SPOCK3: variants seen among roughly 807,000 people sequenced by gnomAD.
SPOCK3 encodes SPARC (osteonectin), cwcv and kazal like domains proteoglycan 3.
SPOCK3 carries 30 observed loss-of-function variants against 56.6 expected under a neutral mutation model. The observed-to-expected ratio is 0.53, with a 90% CI of 0.40 to 0.72. SPOCK3 has a LOEUF of 0.72. Among genes scored for constraint, SPOCK3 ranks in the 30% least tolerant of loss-of-function variants. SPOCK3 has a pLI of 0.00. For synonymous variants in SPOCK3, 196 were observed against 183.3 expected (o/e 1.07, Z -0.56); for missense variants, 527 against 530.0 (o/e 0.99, Z 0.06).
chr4:167,101,818 G>C (rs987434535), intron 2 of SPOCK3, among the ~76,000 whole-genome samples: 3 of 150,000 alleles, frequency 2.0e-5, no homozygotes, highest in Non-Finnish European at 4.4e-5. Context: ...CACCTCCCAG[G>C]TTCAAGCAAT....
Position 166,733,557 on chromosome 4 carries a change from C to T in SPOCK3, c.*1364G>A, listed in dbSNP as rs996168309. On this transcript the variant is annotated 3_prime_UTR_variant, in exon 11 of 11. Transcript: ENST00000357545. ...AATTGTATACTGGGAAACCAGTTTA[C>T]CCACTGTTGAAATTAAAGATACCAA... The T allele has an allele frequency of 2.6e-5, 4 of 151,770 alleles. No homozygotes were observed. The highest frequency in any genetic ancestry group is 7.2e-5 in the African/African-American group (3 of 41,384). The allele number at this position is 151,770 out of a possible 1,614,324, so 9.4% of individuals were successfully genotyped here.
chr4:167,158,662 C>T (rs1765021909), intron 2 of SPOCK3, among the ~76,000 whole-genome samples: 1 of 151,964 alleles, frequency 6.6e-6, no homozygotes. Context: ...AAGATTATTA[C>T]AGTTTTCACA....
chr4:166,873,408 T>C (rs1732707190), intron 6 of SPOCK3, among the ~76,000 whole-genome samples: 1 of 152,116 alleles, frequency 6.6e-6, no homozygotes, highest in Non-Finnish European at 1.5e-5. Context: ...CTTTGGGTGA[T>C]AATGATATAT....
intron 8 of SPOCK3, among the ~76,000 whole-genome samples, chr4:166,749,151 G>C (rs1189611793): frequency 7.3e-6 from 1 of 136,944 alleles, no homozygotes; most frequent in East Asian, 2.0e-4. Flanking sequence ...ATACCCAAAG[G>C]ATTATAAATC....
At chr4:166,827,356 C>A (rs1278966200) in intron 6 of SPOCK3, among the ~76,000 whole-genome samples, 4 of 152,030 alleles carry the variant, frequency 2.6e-5, no homozygotes, top group Non-Finnish European at 5.9e-5. Context: ...TTGCTGTTTA[C>A]CTGAGATATG....
chr4:167,108,315 A>G (rs1371498881), intron 2 of SPOCK3, among the ~76,000 whole-genome samples: 2 of 151,992 alleles, frequency 1.3e-5, no homozygotes, highest in Non-Finnish European at 2.9e-5. Flanking sequence ...TACATACCCA[A>G]AAGAAAGGAA....
At chr4:166,765,753 A>G (rs1737937638) in intron 7 of SPOCK3, among the ~76,000 whole-genome samples, 1 of 152,210 alleles carries the variant, frequency 6.6e-6, no homozygotes, top group Admixed American at 6.5e-5. Context: ...TGGGGATGGT[A>G]TTGAATCTAT....
intron 7 of SPOCK3, among the ~76,000 whole-genome samples, chr4:166,790,389 A>T (rs1741213027): frequency 6.6e-6 from 1 of 152,154 alleles, no homozygotes; most frequent in Admixed American, 6.5e-5. Context: ...GGGTGCACAG[A>T]TCTGAGGAGC....
chr4:167,025,610 C>T (rs1751626484), intron 3 of SPOCK3, among the ~76,000 whole-genome samples: 1 of 151,996 alleles, frequency 6.6e-6, no homozygotes, highest in African/African-American at 2.4e-5. Context: ...ACAGCTTTAG[C>T]AACTGTCATT....
At chr4:167,066,258 A>C (rs1338169802) in intron 2 of SPOCK3, among the ~76,000 whole-genome samples, 2 of 151,826 alleles carry the variant, frequency 1.3e-5, no homozygotes, top group African/African-American at 4.8e-5. Context: ...TTTGAGCCAG[A>C]TAATTCTTCG....
At chr4:166,769,171 C>A (rs1256319340) in intron 7 of SPOCK3, among the ~76,000 whole-genome samples, 1 of 152,090 alleles carries the variant, frequency 6.6e-6, no homozygotes, top group Non-Finnish European at 1.5e-5. Flanking sequence ...GTGTCTGAAG[C>A]CTTCTTCTCT....
chr4:166,983,746 TG>T (rs1038561673), intron 4 of SPOCK3, among the ~76,000 whole-genome samples: 1 of 152,064 alleles, frequency 6.6e-6, no homozygotes, highest in Non-Finnish European at 1.5e-5. Context: ...ATAGAGCCCC[TG>T]AAAAATGTAT....
At chr4:167,087,310 G>A (rs1758286514) in intron 2 of SPOCK3, among the ~76,000 whole-genome samples, 2 of 152,054 alleles carry the variant, frequency 1.3e-5, no homozygotes, top group African/African-American at 4.8e-5. Flanking sequence ...TTGAAACTAG[G>A]CAGAGAATCC....
rs200143612 is a variant in SPOCK3 at position 167,062,463 on chromosome 4, T to C, written c.235+29A>G. 5.5e-5 allele frequency: 85 copies of C among 1,537,506 alleles called. No individual in the cohort carries two copies. The African/African-American group carries it at 1.1e-3, about 21-fold the overall frequency. On this transcript the variant is annotated intron_variant, in intron 3 of 10. Coordinates refer to ENST00000357545, the MANE Select transcript of SPOCK3 (RefSeq NM_001040159.2). ...TACAATGATTATGAACATGTAAAGG[T>C]TTTTATTTTAAAATAGTTAGATTCT...
intron 2 of SPOCK3, among the ~76,000 whole-genome samples, chr4:167,109,332 T>TAG (rs1760615868): frequency 1.1e-5 from 1 of 88,248 alleles, no homozygotes. Context: ...TTAATATATA[T>TAG]TAATATTATA....
intron 4 of SPOCK3, among the ~76,000 whole-genome samples, chr4:166,998,703 T>G (rs1026640402): frequency 3.9e-5 from 6 of 152,100 alleles, no homozygotes; most frequent in Admixed American, 2.0e-4. Flanking sequence ...CAGGTGAATC[T>G]TTTCAAAGCT....
At chr4:166,898,203 A>G (rs1440524844) in intron 5 of SPOCK3, among the ~76,000 whole-genome samples, 2 of 151,976 alleles carry the variant, frequency 1.3e-5, no homozygotes, top group Non-Finnish European at 2.9e-5. Context: ...CTCCCTAAAA[A>G]AGAAAAAAAA....
intron 4 of SPOCK3, among the ~76,000 whole-genome samples, chr4:166,974,672 G>A (rs1745755909): frequency 6.6e-6 from 1 of 152,000 alleles, no homozygotes; most frequent in African/African-American, 2.4e-5. Flanking sequence ...TTTTTGTCAA[G>A]TTTACAAATG....
chr4:166,822,726 C>G (rs1272988595), intron 6 of SPOCK3, among the ~76,000 whole-genome samples: 1 of 151,914 alleles, frequency 6.6e-6, no homozygotes, highest in Non-Finnish European at 1.5e-5. Context: ...TTTTTTTCCC[C>G]TTAAGTACAT....
Sources: gnomAD v4.1 joint callset for allele counts (sites outside exome capture counted in the v4.1 genomes callset) on GRCh38, gnomAD v4.1.1 for gene constraint, MANE v1.5 for transcripts, NCBI Gene and HGNC (gene_info 2026-07-23, HGNC 2026-07-21) for gene names.